Variants in CCDC158 observed in about 807,000 individuals in gnomAD.
CCDC158 encodes the protein coiled-coil domain containing 158, also known as coiled-coil domain-containing protein 158.
In CCDC158, 116 loss-of-function variants were observed where a neutral mutation model predicts 138.6. That is an observed-to-expected ratio of 0.84 (90% CI 0.72 to 0.98). CCDC158 has a LOEUF of 0.98. CCDC158 is among the 50% of genes least tolerant of loss of function. The pLI is 0.00. For missense variants in CCDC158, 1,265 were observed against 1,306.1 expected (o/e 0.97, Z 0.48); for synonymous variants, 436 against 442.4 (o/e 0.99, Z 0.18).
intron 9 of CCDC158, among the ~76,000 whole-genome samples, chr4:76,378,578 C>T (rs1725933079): frequency 6.6e-6 from 1 of 152,180 alleles, no homozygotes; most frequent in African/African-American, 2.4e-5. Context: ...CTGTCCCAGG[C>T]AAGCCGCCTT....
intron 24 of CCDC158, among the ~76,000 whole-genome samples, chr4:76,318,791 T>C (rs1719651306): frequency 6.6e-6 from 1 of 152,092 alleles, no homozygotes; most frequent in South Asian, 2.1e-4. Flanking sequence ...ATCCTAATAC[T>C]AAAACCAGGA....
intron 18 of CCDC158, among the ~76,000 whole-genome samples, chr4:76,338,453 G>A (rs1253537107): frequency 2.0e-5 from 3 of 152,116 alleles, no homozygotes; most frequent in Admixed American, 6.6e-5. Flanking sequence ...CAGAGGTTGT[G>A]GTGGGCCAAG....
chr4:76,325,904 G>A lies in CCDC158; in HGVS notation c.3122C>T (p.Ser1041Leu). ...SSVEGSIGST[S>L]QYRSAKPIHS... Reference sequence around the variant, plus strand: ...AATAGGTTTGGCAGATCTATACTGTGATGTGGAACCTATTGAACCTTCAAC... The same window carrying A: ...AATAGGTTTGGCAGATCTATACTGTAATGTGGAACCTATTGAACCTTCAAC... The change falls in exon 23 of 25, where the codon TCA (serine) becomes TTA (leucine). Residue 1041 changes from serine to leucine, a missense_variant. Physicochemically the swap from Ser to Leu is moderately radical, Grantham distance 145. Coordinates refer to ENST00000682701, the MANE Select transcript of CCDC158 (RefSeq NM_001394954.1). 6.2e-7 allele frequency: 1 copy of A among 1,613,732 alleles called. No homozygotes were observed. Among genetic ancestry groups the A allele is most frequent in the Non-Finnish European group, 8.5e-7 (1 of 1,179,662 alleles).
In CCDC158 at chr4:76,369,453, G is replaced by A. The variant is rs369417205; in HGVS notation, c.1320C>T (p.Ser440=). The part of the protein sequence containing the change: ...RLEALLKALK[S]ECQGQMERQM... The stretch of plus-strand genomic sequence containing the variant: ...GCCGCTCCATCTGGCCCTGACACTC[G>A]CTCTTCAAGGCCTTGAGCAGGGCTT... Residue 440 remains serine, a synonymous_variant, in exon 11 of 25, where the codon AGC becomes AGT. Transcript: ENST00000682701. 2.6e-5 allele frequency: 42 copies of A among 1,613,988 alleles called. No individual in the cohort carries two copies. In the African/African-American group the frequency reaches 2.9e-4, roughly 11 times the overall value.
chr4:76,341,441 T>G (rs1452694876), intron 18 of CCDC158, among the ~76,000 whole-genome samples: 1 of 152,312 alleles, frequency 6.6e-6, no homozygotes, highest in East Asian at 1.9e-4. Context: ...TTACATAATA[T>G]ATTAGGAATA....
intron 14 of CCDC158, chr4:76,356,679 G>C (rs566364036): frequency 6.6e-6 from 1 of 152,038 alleles, no homozygotes; most frequent in Non-Finnish European, 1.5e-5. Flanking sequence ...TCTTTATATC[G>C]TTCTAATTTT....
intron 1 of CCDC158, among the ~76,000 whole-genome samples, chr4:76,413,074 G>A (rs563667781): frequency 1.1e-3 from 160 of 152,090 alleles, no homozygotes; most frequent in Non-Finnish European, 2.0e-3. Flanking sequence ...TAATTGGGTA[G>A]AGAAACTTCT....
chr4:76,408,712 T>C (rs970054606), intron 2 of CCDC158, among the ~76,000 whole-genome samples: 2 of 152,218 alleles, frequency 1.3e-5, no homozygotes, highest in Non-Finnish European at 2.9e-5. Context: ...AGTAATGGGA[T>C]GGCTGGGTCA....
At chr4:76,354,309 T>G (rs1723335093) in intron 15 of CCDC158, among the ~76,000 whole-genome samples, 1 of 150,070 alleles carries the variant, frequency 6.7e-6, no homozygotes, top group African/African-American at 2.5e-5. Context: ...AAGAAAAAAT[T>G]GGAAAGAAGA....
chr4:76,377,048 C>A (rs1307541347), intron 9 of CCDC158, among the ~76,000 whole-genome samples: 2 of 152,038 alleles, frequency 1.3e-5, no homozygotes, highest in East Asian at 3.8e-4. Flanking sequence ...TTCTACAATG[C>A]CAAAGATTTA....
intron 10 of CCDC158, 73 bp from the exon 11 acceptor site, chr4:76,369,696 C>A: frequency 7.4e-7 from 1 of 1,344,906 alleles, no homozygotes; most frequent in South Asian, 1.3e-5. Context: ...GTCTTTATAT[C>A]ATATTTGGAG....
chr4:76,358,769 G>C (rs1462414961), intron 13 of CCDC158, among the ~76,000 whole-genome samples: 1 of 152,056 alleles, frequency 6.6e-6, no homozygotes, highest in Non-Finnish European at 1.5e-5. Flanking sequence ...TCACACACTG[G>C]TTATTCACCC....
intron 21 of CCDC158, among the ~76,000 whole-genome samples, chr4:76,329,704 T>C (rs900278204): frequency 6.6e-6 from 1 of 152,220 alleles, no homozygotes; most frequent in Non-Finnish European, 1.5e-5. Context: ...TGGGTACCAA[T>C]ATGAGAATAT....
chr4:76,388,783 A>C (rs930063832), intron 4 of CCDC158, among the ~76,000 whole-genome samples: 5 of 152,030 alleles, frequency 3.3e-5, no homozygotes, highest in African/African-American at 1.2e-4. Context: ...CCCCAGTTCC[A>C]CGTGGCTCAG....
chr4:76,379,546 G>C, intron 8 of CCDC158, 142 bp from the exon 9 acceptor site: 2 of 441,314 alleles, frequency 4.5e-6, no homozygotes, highest in South Asian at 5.7e-5. Context: ...TTCCAAAACT[G>C]ACTCTCAAAA....
chr4:76,367,245 G>A (rs1335345229), intron 12 of CCDC158, 49 bp downstream of exon 12: 1 of 1,569,788 alleles, frequency 6.4e-7, no homozygotes, highest in Non-Finnish European at 8.6e-7. Context: ...GGTCATACCT[G>A]CTAATAAATG....
Position 76,355,510 on chromosome 4 carries a change from C to A in CCDC158, c.2174-74G>T. 3 of 969,566 alleles carry A rather than the reference C, an allele frequency of 3.1e-6. No homozygotes were observed. The South Asian group carries it at 3.9e-5, about 12-fold the overall frequency. The allele number at this position is 969,566 out of a possible 1,614,324, so 60.1% of individuals were successfully genotyped here. ...AGACTATGGTAATTTGATGGTTAAA[C>A]TTTATGAGAAGGTGACAAGTAAGAT... On this transcript the variant is annotated intron_variant, in intron 14 of 24. Coordinates refer to ENST00000682701, the MANE Select transcript of CCDC158 (RefSeq NM_001394954.1).
chr4:76,395,429 T>G (rs930159405), intron 4 of CCDC158, among the ~76,000 whole-genome samples: 2 of 152,172 alleles, frequency 1.3e-5, no homozygotes, highest in African/African-American at 4.8e-5. Context: ...TACTAAATAC[T>G]GCAATAAATG....
intron 22 of CCDC158, among the ~76,000 whole-genome samples, chr4:76,327,418 A>G (rs1720625736): frequency 6.6e-6 from 1 of 152,198 alleles, no homozygotes; most frequent in Non-Finnish European, 1.5e-5. Flanking sequence ...CAACCATCAT[A>G]GAGTATACTT....
Sources: gnomAD v4.1 joint callset for allele counts (sites outside exome capture counted in the v4.1 genomes callset) on GRCh38, gnomAD v4.1.1 for gene constraint, MANE v1.5 for transcripts, NCBI Gene and HGNC (gene_info 2026-07-23, HGNC 2026-07-21) for gene names.